CXADR: variants seen among roughly 807,000 people sequenced by gnomAD.
The protein encoded by CXADR is CXADR cell adhesion molecule, also known as coxsackievirus and adenovirus receptor.
In CXADR, 20 loss-of-function variants were observed where a neutral mutation model predicts 40.3. The ratio of observed to expected loss-of-function variants is 0.50; its 90% CI spans 0.35 to 0.72. CXADR has a LOEUF of 0.72. CXADR is among the 30% of genes least tolerant of loss of function. The pLI is 0.01. For missense variants in CXADR, 332 were observed against 449.1 expected (o/e 0.74, Z 2.36); for synonymous variants, 150 against 161.3 (o/e 0.93, Z 0.53).
At chr21:17,513,445 T>G (rs1441370441) in intron 1 of CXADR, among the ~76,000 whole-genome samples, 1 of 152,002 alleles carries the variant, frequency 6.6e-6, no homozygotes, top group Non-Finnish European at 1.5e-5. Context: ...GGGCGCGGCG[T>G]GTCGGGTGCG....
chr21:17,604,897 G>A, the CXADR span: 1 of 1,614,170 alleles, frequency 6.2e-7, no homozygotes, highest in Admixed American at 1.7e-5. Flanking sequence ...CAGAGAGTGA[G>A]CTCCTTTGGC....
chr21:17,529,034 C>CTTTTTTTTTTTT (rs10530177), intron 1 of CXADR, among the ~76,000 whole-genome samples: 1 of 121,386 alleles, frequency 8.2e-6, no homozygotes, highest in African/African-American at 3.0e-5. Flanking sequence ...GACTTTTTGT[C>CTTTTTTTTTTTT]TTTTTTTTTT....
chr21:17,553,251 T>TA (rs2060992273), intron 3 of CXADR, among the ~76,000 whole-genome samples: 1 of 152,156 alleles, frequency 6.6e-6, no homozygotes. Flanking sequence ...ACCCAACACT[T>TA]AACTACTCCT....
chr21:17,587,713 T>C (rs1197580144), intron 7 of CXADR, among the ~76,000 whole-genome samples: 5 of 152,144 alleles, frequency 3.3e-5, no homozygotes, highest in Non-Finnish European at 5.9e-5. Context: ...GGTAGTTTCT[T>C]TTGCTGTGCA....
chr21:17,615,640 G>A, the CXADR span, among the ~76,000 whole-genome samples: 26,405 of 152,112 alleles, frequency 0.17, 2,516 homozygotes, highest in Middle Eastern at 0.24. Flanking sequence ...TGAAACCAGG[G>A]ATAAGAGGGA....
rs538323132 is a variant in CXADR at position 17,534,620 on chromosome 21, T to A, written c.44-12407T>A. On this transcript the variant is annotated intron_variant, in intron 1 of 6. Coordinates refer to ENST00000284878, the MANE Select transcript of CXADR (RefSeq NM_001338.5). The stretch of plus-strand genomic sequence containing the variant: ...ATGGTGGTCACCTTTTTGTATAGAG[T>A]TTAGAGTATCTCAGTGACTTGCTAA... Among the ~76,000 whole-genome samples, 96 of 151,826 alleles carry A rather than the reference T, an allele frequency of 6.3e-4. 2 individuals carry two copies. In the South Asian group the frequency reaches 0.019, roughly 30 times the overall value.
chr21:17,591,120 A>G (rs962515112), intron 7 of CXADR, among the ~76,000 whole-genome samples: 2 of 152,042 alleles, frequency 1.3e-5, no homozygotes, highest in African/African-American at 2.4e-5. Flanking sequence ...GGTAGATTTT[A>G]TAGGTAACAA....
At chr21:17,541,334 C>T (rs1022140226) in intron 1 of CXADR, among the ~76,000 whole-genome samples, 5 of 151,968 alleles carry the variant, frequency 3.3e-5, no homozygotes, top group African/African-American at 4.8e-5. Flanking sequence ...GGGCGGATCA[C>T]GAGGTCAGGA....
the CXADR span, among the ~76,000 whole-genome samples, chr21:17,635,223 T>C: frequency 6.6e-6 from 1 of 152,226 alleles, no homozygotes; most frequent in East Asian, 1.9e-4. Context: ...GTCTGGTTAG[T>C]GGCACACAGA....
At chr21:17,551,702 TTG>T (rs765085222) in intron 2 of CXADR, 45 bp from the exon 3 acceptor site, 17 of 1,531,810 alleles carry the variant, frequency 1.1e-5, no homozygotes, top group Non-Finnish European at 1.5e-5. Context: ...ACAGTTTTTT[TTG>T]TGTGTGTTTG....
At chr21:17,590,001 A>G (rs945194740) in intron 7 of CXADR, among the ~76,000 whole-genome samples, 4 of 152,106 alleles carry the variant, frequency 2.6e-5, no homozygotes, top group Non-Finnish European at 5.9e-5. Flanking sequence ...TATACACAGA[A>G]ATGATCCATT....
At chr21:17,584,815 C>T (rs1462688900) in intron 7 of CXADR, among the ~76,000 whole-genome samples, 5 of 152,180 alleles carry the variant, frequency 3.3e-5, no homozygotes, top group African/African-American at 1.2e-4. Context: ...CAGAGAGAGA[C>T]TCCGTCTCAA....
At chr21:17,621,207 T>C in the CXADR span, among the ~76,000 whole-genome samples, 4 of 152,180 alleles carry the variant, frequency 2.6e-5, no homozygotes, top group Non-Finnish European at 5.9e-5. Context: ...TTCAATAGCA[T>C]TTTCTTACAG....
At chr21:17,514,720 G>GC (rs1360148650) in intron 1 of CXADR, among the ~76,000 whole-genome samples, 5 of 150,610 alleles carry the variant, frequency 3.3e-5, no homozygotes, top group Admixed American at 1.3e-4. Flanking sequence ...CACAACCTCC[G>GC]CCCCCCGCGT....
In CXADR at chr21:17,568,336, G is replaced by C. The variant is rs919403520; in HGVS notation, c.*2644G>C. On this transcript the variant is annotated 3_prime_UTR_variant, in exon 7 of 7. Coordinates refer to ENST00000284878, the MANE Select transcript of CXADR (RefSeq NM_001338.5). ...GTAGAGACAGGGTTTCACCGTGTTA[G>C]CCAGGATGGTCTCGATCTCCTGACC... 331 of 830,516 alleles carry C rather than the reference G, an allele frequency of 4.0e-4. No homozygotes were observed. The highest frequency in any genetic ancestry group is 4.5e-4 in the Non-Finnish European group (308 of 689,538). The allele number at this position is 830,516 out of a possible 1,614,324, so 51.4% of individuals were successfully genotyped here.
chr21:17,605,073 C>A, the CXADR span: 1 of 1,484,102 alleles, frequency 6.7e-7, no homozygotes. Flanking sequence ...TTCATACTTG[C>A]CAAGGTGAGT....
chr21:17,555,196 CAG>C (rs1334446797), intron 3 of CXADR, among the ~76,000 whole-genome samples: 1 of 152,154 alleles, frequency 6.6e-6, no homozygotes, highest in Non-Finnish European at 1.5e-5. Context: ...TATAAAGAGA[CAG>C]AGTTGTTTTG....
intron 1 of CXADR, among the ~76,000 whole-genome samples, chr21:17,540,181 C>T (rs2060809251): frequency 6.6e-6 from 1 of 152,076 alleles, no homozygotes; most frequent in South Asian, 2.1e-4. Context: ...TCCTTCTGTT[C>T]TGGGCTCTAT....
At chr21:17,557,700 A>C (rs1239896102) in intron 3 of CXADR, among the ~76,000 whole-genome samples, 1 of 152,012 alleles carries the variant, frequency 6.6e-6, no homozygotes, top group Non-Finnish European at 1.5e-5. Flanking sequence ...ATGCTGAATA[A>C]AAGAAGACAA....
Sources: gnomAD v4.1 joint callset for allele counts (sites outside exome capture counted in the v4.1 genomes callset) on GRCh38, gnomAD v4.1.1 for gene constraint, MANE v1.5 for transcripts, NCBI Gene and HGNC (gene_info 2026-07-23, HGNC 2026-07-21) for gene names.